Variants in XKR6 observed in about 807,000 individuals in gnomAD.
XKR6 encodes the protein XK related 6, also known as XK-related protein 6.
In XKR6, 22 loss-of-function variants were observed where a neutral mutation model predicts 56.7. The observed-to-expected ratio is 0.39, with a 90% confidence interval of 0.28 to 0.55. The LOEUF (loss-of-function observed/expected upper bound fraction) is 0.55, where lower values mean the gene tolerates loss of function less well. Among genes scored for constraint, XKR6 ranks in the 20% least tolerant of loss-of-function variants. The pLI is 0.66. For synonymous variants in XKR6, 524 were observed against 387.8 expected, an observed-to-expected ratio of 1.35 and a Z score of -4.13; for missense variants, 852 against 889.0, an observed-to-expected ratio of 0.96 and a Z score of 0.53.
chr8:10,996,094 T>C (rs951898578), intron 1 of XKR6, among the ~76,000 whole-genome samples: 3 of 150,576 alleles, frequency 2.0e-5, no homozygotes, highest in Admixed American at 2.0e-4. Context: ...AGAGAGGGAT[T>C]TTAAAGACAG....
At chr8:11,130,612 G>GTTT (rs578174148) in intron 1 of XKR6, among the ~76,000 whole-genome samples, 1 of 143,406 alleles carries the variant, frequency 7.0e-6, no homozygotes, top group Non-Finnish European at 1.5e-5. Flanking sequence ...TCCCTCGCCG[G>GTTT]TTTTTTTTTT....
chr8:11,118,862 G>A (rs1247293562), intron 1 of XKR6, among the ~76,000 whole-genome samples: 1 of 152,142 alleles, frequency 6.6e-6, no homozygotes, highest in African/African-American at 2.4e-5. Context: ...TTTTGAATGT[G>A]TTTGCTCTTG....
intron 1 of XKR6, among the ~76,000 whole-genome samples, chr8:11,080,400 C>G (rs971062499): frequency 2.6e-5 from 4 of 152,176 alleles, no homozygotes; most frequent in African/African-American, 9.6e-5. Context: ...GAGATCAGTA[C>G]ATGTCAAAAG....
At chr8:10,920,493 G>T (rs1034666282) in intron 2 of XKR6, among the ~76,000 whole-genome samples, 2 of 152,218 alleles carry the variant, frequency 1.3e-5, no homozygotes, top group African/African-American at 2.4e-5. Context: ...GACCCTCCAG[G>T]CACCCATGTG....
chr8:10,982,859 G>A (rs1797765535), intron 1 of XKR6, among the ~76,000 whole-genome samples: 2 of 152,174 alleles, frequency 1.3e-5, no homozygotes, highest in East Asian at 3.8e-4. Flanking sequence ...GCATGGCTTG[G>A]GGTTTGAGGA....
intron 1 of XKR6, among the ~76,000 whole-genome samples, chr8:11,169,165 A>C (rs898106965): frequency 2.6e-5 from 4 of 151,964 alleles, no homozygotes; most frequent in Non-Finnish European, 4.4e-5. Context: ...ATCTAGCCTC[A>C]TAGTTGGCAA....
chr8:10,967,608 G>C (rs903328550), intron 1 of XKR6, among the ~76,000 whole-genome samples: 2 of 152,192 alleles, frequency 1.3e-5, no homozygotes, highest in Non-Finnish European at 2.9e-5. Context: ...GCCAGGCTCT[G>C]ATCACAGGAA....
intron 1 of XKR6, among the ~76,000 whole-genome samples, chr8:10,938,238 A>G (rs1349345354): frequency 6.6e-6 from 1 of 152,128 alleles, no homozygotes. Context: ...CAGGTGAGAC[A>G]ATGCCTCGCC....
At chr8:10,942,384 T>G (rs192025018) in intron 1 of XKR6, among the ~76,000 whole-genome samples, 35 of 152,280 alleles carry the variant, frequency 2.3e-4, no homozygotes, top group Admixed American at 7.2e-4. Flanking sequence ...CACAGTCACA[T>G]CCGCCACGGC....
intron 1 of XKR6, among the ~76,000 whole-genome samples, chr8:11,199,757 G>A (rs889842105): frequency 1.3e-5 from 2 of 152,166 alleles, no homozygotes; most frequent in Non-Finnish European, 2.9e-5. Flanking sequence ...TTTACAAAAC[G>A]AGAAAGGGCC....
intron 1 of XKR6, among the ~76,000 whole-genome samples, chr8:10,960,281 A>C (rs2129130288): frequency 6.6e-6 from 1 of 152,246 alleles, no homozygotes; most frequent in South Asian, 2.1e-4. Context: ...CAGGTATAGC[A>C]GGTGGGTCAG....
chr8:11,102,288 G>A (rs1798514437), intron 1 of XKR6, among the ~76,000 whole-genome samples: 3 of 152,250 alleles, frequency 2.0e-5, no homozygotes, highest in South Asian at 2.1e-4. Flanking sequence ...ATTCATTTAT[G>A]CCGTTAGTTT....
At chr8:11,054,761 G>C (rs1195812357) in intron 1 of XKR6, among the ~76,000 whole-genome samples, 1 of 152,198 alleles carries the variant, frequency 6.6e-6, no homozygotes, top group Non-Finnish European at 1.5e-5. Context: ...GATATTGCTG[G>C]TGTGGGTGAG....
At chr8:11,181,935 C>T (rs1253146897) in intron 1 of XKR6, among the ~76,000 whole-genome samples, 2 of 152,154 alleles carry the variant, frequency 1.3e-5, no homozygotes, top group African/African-American at 2.4e-5. Context: ...TCCCTGAAAC[C>T]TCCGCCTTCC....
intron 1 of XKR6, among the ~76,000 whole-genome samples, chr8:11,180,564 T>G (rs1323666445): frequency 6.6e-6 from 1 of 152,154 alleles, no homozygotes; most frequent in East Asian, 1.9e-4. Flanking sequence ...TGCAACAGCA[T>G]GGAGACAAAT....
chr8:11,054,147 G>A (rs951148375), intron 1 of XKR6, among the ~76,000 whole-genome samples: 17 of 152,232 alleles, frequency 1.1e-4, no homozygotes, highest in Non-Finnish European at 2.5e-4. Flanking sequence ...AGGTGTCATT[G>A]CGGGTGGTTA....
chr8:11,190,441 G>C (rs542741431), intron 1 of XKR6, among the ~76,000 whole-genome samples: 29 of 152,270 alleles, frequency 1.9e-4, no homozygotes, highest in African/African-American at 7.0e-4. Context: ...TTTGTGTAAT[G>C]TGGAAGTCAC....
At chr8:11,179,020 C>CTT (rs35214787) in intron 1 of XKR6, among the ~76,000 whole-genome samples, 27 of 104,516 alleles carry the variant, frequency 2.6e-4, no homozygotes, top group East Asian at 1.3e-3. Context: ...TTTTCTTTTT[C>CTT]TTTTTTTTTT....
rs573776081 is a variant in XKR6, at chr8:11,184,576, T to C, written c.764+16000A>G. ...TGGTAGATTTCTGTTTTTTAAATAT[T>C]TTATGGTTTTCTATAAGAACTTACA... is the stretch of plus-strand genomic sequence containing the variant. On this transcript the variant is annotated intron_variant, in intron 1 of 2. Coordinates refer to ENST00000416569, the MANE Select transcript of XKR6 (RefSeq NM_173683.4). Among the ~76,000 whole-genome samples the C allele has an allele frequency of 4.6e-5, 7 of 152,266 alleles. No homozygotes were observed. The South Asian group carries it at 1.0e-3, about 23-fold the overall frequency.
Sources: allele counts gnomAD v4.1 joint callset (sites outside exome capture counted in the v4.1 genomes callset), GRCh38; gene constraint gnomAD v4.1.1; transcripts MANE v1.5; gene names NCBI Gene and HGNC (gene_info 2026-07-23, HGNC 2026-07-21).